Variants in ATF3 observed in about 807,000 individuals in gnomAD.
The protein encoded by ATF3 is cyclic AMP-dependent transcription factor ATF-3.
Under a neutral mutation model 18.4 loss-of-function variants are expected in ATF3, and 10 were observed. The ratio of observed to expected loss-of-function variants is 0.54; its 90% CI spans 0.34 to 0.92. The LOEUF (loss-of-function observed/expected upper bound fraction) is 0.92. ATF3 is among the 40% of genes least tolerant of loss of function. The pLI is 0.02. For missense variants in ATF3, 183 were observed against 222.3 expected (o/e 0.82, Z 1.12); for synonymous variants, 78 against 87.9 (o/e 0.89, Z 0.63).
At chr1:212,602,736 C>T (rs1034456449) in intron 1 of ATF3, among the ~76,000 whole-genome samples, 8 of 152,132 alleles carry the variant, frequency 5.3e-5, no homozygotes, top group Admixed American at 4.6e-4. Flanking sequence ...GTACATAGCA[C>T]GGAACACCCA....
rs535769989 is a variant in ATF3, at chr1:212,609,382, G to A, written c.-5+452G>A. Among the ~76,000 whole-genome samples the A allele has an allele frequency of 4.1e-5, 6 of 146,612 alleles. No homozygotes were observed. The East Asian group carries it at 8.1e-4, about 20-fold the overall frequency. On this transcript the variant is annotated intron_variant, in intron 1 of 3. Coordinates refer to ENST00000341491, the MANE Select transcript of ATF3 (RefSeq NM_001674.4). ...GAGCCGATCCTTCCCGGGTGGGGGG[G>A]GGGGGGCGCAGAGAGGCACGAAGGC...
At position 212,619,379 on chromosome 1, in the gene ATF3, G is replaced by A. The variant is rs1319973814; in HGVS notation, c.370G>A (p.Val124Met). ...LQKESEKLES[V>M]NAELKAQIEE... is the part of the protein sequence containing the mutation. Reference sequence around the variant, plus strand: ...CCAGGAGTCGGAGAAGCTGGAAAGTGTGAATGCTGAACTGAAGGCTCAGAT... The same window carrying A: ...CCAGGAGTCGGAGAAGCTGGAAAGTATGAATGCTGAACTGAAGGCTCAGAT... Residue 124 changes from valine (V) to methionine (M), a missense_variant, in exon 4 of 4, where the codon GTG becomes ATG. Coordinates refer to ENST00000341491, the MANE Select transcript of ATF3 (RefSeq NM_001674.4). The surrounding 1 kb of genome is among the most constrained non-coding windows in gnomAD (Gnocchi z 4.4). 6.2e-7 allele frequency: 1 copy of A among 1,613,626 alleles called. No individual in the cohort carries two copies. Among genetic ancestry groups the A allele is most frequent in the East Asian group, 2.2e-5 (1 of 44,886 alleles).
intron 1 of ATF3, among the ~76,000 whole-genome samples, chr1:212,570,760 T>C (rs1664465972): frequency 6.6e-6 from 1 of 152,178 alleles, no homozygotes. Flanking sequence ...CAGCATAATG[T>C]TTTTGAAATT....
upstream of ATF3, among the ~76,000 whole-genome samples, chr1:212,604,082 A>G (rs1654558007): frequency 6.6e-6 from 1 of 152,234 alleles, no homozygotes; most frequent in African/African-American, 2.4e-5. Context: ...TTCCCCAAAG[A>G]AATCTTTAAA....
chr1:212,589,776 G>T (rs560395368), intron 1 of ATF3, among the ~76,000 whole-genome samples: 1 of 149,354 alleles, frequency 6.7e-6, no homozygotes, highest in East Asian at 1.9e-4. Flanking sequence ...CTAATTGATC[G>T]GTCCTGATCA....
At chr1:212,590,626 G>C (rs910030258) in intron 1 of ATF3, among the ~76,000 whole-genome samples, 1 of 152,042 alleles carries the variant, frequency 6.6e-6, no homozygotes, top group Non-Finnish European at 1.5e-5. Context: ...TTTTTAAAAC[G>C]TAACAGGTGG....
At chr1:212,587,224 C>T (rs145832936) in intron 1 of ATF3, among the ~76,000 whole-genome samples, 85 of 152,246 alleles carry the variant, frequency 5.6e-4, no homozygotes, top group Middle Eastern at 6.8e-3. Context: ...TAATACCGTG[C>T]TTAAATTATA....
intron 1 of ATF3, among the ~76,000 whole-genome samples, chr1:212,597,410 TACATC>T (rs1654317245): frequency 8.0e-6 from 1 of 124,858 alleles, no homozygotes; most frequent in African/African-American, 3.1e-5. Context: ...GGTACTGAGT[TACATC>T]TATTTATCTA....
At chr1:212,600,344 T>A (rs568335694) in intron 1 of ATF3, among the ~76,000 whole-genome samples, 15 of 152,386 alleles carry the variant, frequency 9.8e-5, no homozygotes, top group Middle Eastern at 3.4e-3. Flanking sequence ...TATCACAGTC[T>A]GTTCTTCCCA....
upstream of ATF3, among the ~76,000 whole-genome samples, chr1:212,607,983 C>A (rs1654693113): frequency 6.6e-6 from 1 of 152,144 alleles, no homozygotes. Flanking sequence ...CCTGCGTGTG[C>A]GTCCATGTGG....
intron 1 of ATF3, among the ~76,000 whole-genome samples, chr1:212,589,092 G>A (rs1328578050): frequency 1.3e-5 from 2 of 152,082 alleles, no homozygotes; most frequent in Non-Finnish European, 2.9e-5. Context: ...GCTTTCACTA[G>A]GCACATTCTC....
chr1:212,576,888 C>T (rs1200176528), intron 1 of ATF3, among the ~76,000 whole-genome samples: 1 of 147,794 alleles, frequency 6.8e-6, no homozygotes, highest in Non-Finnish European at 1.5e-5. Flanking sequence ...CCATCACACC[C>T]GGCTGATTTT....
chr1:212,615,262 G>A lies in ATF3; in HGVS notation c.240+1G>A. The A allele has an allele frequency of 6.2e-7, 1 of 1,609,540 alleles. No homozygotes were observed. The highest frequency in any genetic ancestry group is 8.5e-7 in the Non-Finnish European group (1 of 1,179,710). ...CGGGGTGTCCATCACAAAAGCCGAG[G>A]TGGGTTCTATCACAGGTATTCATTC... is the stretch of plus-strand genomic sequence containing the variant. On this transcript the variant is annotated splice_donor_variant, in intron 2 of 3. Coordinates refer to ENST00000341491, the MANE Select transcript of ATF3 (RefSeq NM_001674.4). LOFTEE classifies it high-confidence loss of function.
intron 1 of ATF3, among the ~76,000 whole-genome samples, chr1:212,568,927 AG>A (rs1168929278): frequency 6.6e-6 from 1 of 152,178 alleles, no homozygotes; most frequent in African/African-American, 2.4e-5. Context: ...TCAAGTAAAA[AG>A]GCTCCTTACT....
At chr1:212,572,835 C>G (rs1664509440) in intron 1 of ATF3, among the ~76,000 whole-genome samples, 1 of 152,050 alleles carries the variant, frequency 6.6e-6, no homozygotes, top group African/African-American at 2.4e-5. Flanking sequence ...GTCATTTTAT[C>G]TTTTCTAAAA....
At position 212,619,363 on chromosome 1, in the gene ATF3, G is replaced by A. The variant is rs780270474; in HGVS notation, c.354G>A (p.Ser118=). Residue 118 remains serine, a synonymous_variant, in exon 4 of 4, where the codon TCG becomes TCA. Transcript: ENST00000341491. This position sits in a 1 kb window ranked among gnomAD's most constrained non-coding sequence, Gnocchi z 4.4. The part of the protein sequence containing the change: ...KEKTECLQKE[S]EKLESVNAEL... Reference sequence around the variant, plus strand: ...CTCTGTTGCTTGTCCCCCAGGAGTCGGAGAAGCTGGAAAGTGTGAATGCTG... The same window carrying A: ...CTCTGTTGCTTGTCCCCCAGGAGTCAGAGAAGCTGGAAAGTGTGAATGCTG... 1.5e-5 allele frequency: 24 copies of A among 1,613,208 alleles called. No homozygotes were observed. Among genetic ancestry groups the A allele is most frequent in the Middle Eastern group, 1.8e-4 (1 of 5,458 alleles).
intron 1 of ATF3, among the ~76,000 whole-genome samples, chr1:212,566,960 C>A (rs1664393142): frequency 6.6e-6 from 1 of 152,160 alleles, no homozygotes; most frequent in Admixed American, 6.5e-5. Flanking sequence ...GTCACAGATT[C>A]CCTAGAGAAA....
chr1:212,599,943 G>C (rs1303383337), intron 1 of ATF3, among the ~76,000 whole-genome samples: 4 of 152,204 alleles, frequency 2.6e-5, no homozygotes, highest in Non-Finnish European at 4.4e-5. Flanking sequence ...ACCTGTAATG[G>C]GGAGGGCCCC....
intron 1 of ATF3, among the ~76,000 whole-genome samples, chr1:212,595,832 A>T (rs1423761915): frequency 1.3e-5 from 2 of 152,242 alleles, no homozygotes; most frequent in East Asian, 3.8e-4. Context: ...CACTAATTAC[A>T]TGGCTAGTCC....
Sources: allele counts gnomAD v4.1 joint callset (sites outside exome capture counted in the v4.1 genomes callset), GRCh38; gene constraint gnomAD v4.1.1; non-coding constraint Gnocchi (gnomAD v3.1); transcripts MANE v1.5; gene names NCBI Gene and HGNC (gene_info 2026-07-23, HGNC 2026-07-21).